Variants in UBAP1L observed in about 807,000 individuals in gnomAD.
UBAP1L encodes ubiquitin associated protein 1 like, also known as ubiquitin-associated protein 1-like.
Under a neutral mutation model 32.1 loss-of-function variants are expected in UBAP1L, and 32 were observed. That is an observed-to-expected ratio of 1.00 (90% CI 0.75 to 1.34). UBAP1L has a LOEUF of 1.34. Among genes scored for constraint, UBAP1L ranks in the 40% most tolerant of loss-of-function variants. The pLI, the probability that UBAP1L is intolerant of heterozygous loss-of-function variation, is 0.00. For synonymous variants in UBAP1L, 243 were observed against 250.2 expected (o/e 0.97, Z 0.27); for missense variants, 516 against 540.5 (o/e 0.95, Z 0.45).
intron 1 of UBAP1L, among the ~76,000 whole-genome samples, chr15:65,108,576 T>C (rs1445150242): frequency 6.6e-6 from 1 of 151,440 alleles, no homozygotes; most frequent in Non-Finnish European, 1.5e-5. Flanking sequence ...AAGACCCCTA[T>C]CTCTACAAAA....
chr15:65,109,327 CA>C (rs1421731431), intron 1 of UBAP1L, among the ~76,000 whole-genome samples: 4 of 150,602 alleles, frequency 2.7e-5, no homozygotes, highest in Non-Finnish European at 5.9e-5. Flanking sequence ...ACTAAAAATA[CA>C]AAAAATTAGC....
intron 2 of UBAP1L, among the ~76,000 whole-genome samples, chr15:65,103,032 G>T (rs1170855400): frequency 1.3e-5 from 2 of 152,186 alleles, no homozygotes; most frequent in Non-Finnish European, 2.9e-5. Flanking sequence ...CTTATTCTTA[G>T]CAAAGAAGCT....
In UBAP1L at chr15:65,106,179, T is replaced by C; in HGVS notation, c.37A>G (p.Lys13Glu). 6.5e-7 allele frequency: 1 copy of C among 1,549,506 alleles called. No homozygotes were observed. The highest frequency in any genetic ancestry group is 8.7e-7 in the Non-Finnish European group (1 of 1,146,460). ...ALDGVPFKLPKGFVIGTEPLP... is the reference protein window; with the variant it reads ...ALDGVPFKLPEGFVIGTEPLP... ...GGCTCTGTGCCTATCACAAAGCCCT[T>C]GGGCAACTTGAAAGGAACACCATCG... Residue 13 changes from lysine to glutamate, a missense_variant, in exon 2 of 6, where the codon AAG becomes GAG. Lys to Glu is a moderately conservative substitution (Grantham distance 56). Transcript: ENST00000559089.
rs114863568 is a variant in UBAP1L at position 65,105,574 on chromosome 15, C to A, written c.120+522G>T. 878 of 579,386 alleles carry A rather than the reference C, an allele frequency of 1.5e-3. 6 individuals carry two copies. Among genetic ancestry groups the A allele is most frequent in the African/African-American group, 0.015 (806 of 54,194 alleles). The allele number at this position is 579,386 out of a possible 1,614,324, so 35.9% of individuals were successfully genotyped here. A position where few individuals can be genotyped will look rare whatever the true frequency, so the allele number is the denominator to read the frequency against. On this transcript the variant is annotated intron_variant, in intron 2 of 5. Transcript: ENST00000559089. ...TTTGACCTGGAGAACCCCATAAAAT[C>A]ATGCAAATCAAGAGGTTCAAATTTT...
At position 65,094,742 on chromosome 15, in the gene UBAP1L, G is replaced by C; in HGVS notation, c.910-166C>G. On this transcript the variant is annotated intron_variant, in intron 4 of 5. Transcript: ENST00000559089. The surrounding 1 kb of genome is among the most constrained non-coding windows in gnomAD (Gnocchi z 4.2). ...CCCGTGAACCCACAGAAGGGGGATA[G>C]AGGCTTTCTCTGAGTGCCTGGCGAT... 1 of 635,880 alleles carries C rather than the reference G, an allele frequency of 1.6e-6. No individual in the cohort carries two copies. Among genetic ancestry groups the C allele is most frequent in the Non-Finnish European group, 2.8e-6 (1 of 353,294 alleles). 39.4% of individuals were successfully genotyped at this position (635,880 alleles called of 1,614,324 possible).
At position 65,102,746 on chromosome 15, in the gene UBAP1L, C is replaced by A; in HGVS notation, c.121-62G>T. ...CAGGACCCCGGGGGCACAACACTAA[C>A]CCCTGGCCTGGGGGACCCTGTTCAG... On this transcript the variant is annotated intron_variant, in intron 2 of 5. Coordinates refer to ENST00000559089, the MANE Select transcript of UBAP1L (RefSeq NM_001163692.2). The surrounding 1 kb of genome is among the most constrained non-coding windows in gnomAD (Gnocchi z 5.0). The A allele has an allele frequency of 1.4e-6, 2 of 1,450,972 alleles. No individual in the cohort carries two copies. The highest frequency in any genetic ancestry group is 2.5e-5 in the South Asian group (2 of 79,326). 89.9% of individuals were successfully genotyped at this position (1,450,972 alleles called of 1,614,324 possible).
At chr15:65,110,088 C>CGGT (rs1313545745) in intron 1 of UBAP1L, among the ~76,000 whole-genome samples, 4 of 151,996 alleles carry the variant, frequency 2.6e-5, no homozygotes, top group African/African-American at 9.7e-5. Context: ...CGGCCGGGCG[C>CGGT]GGTGGCTCAC....
intron 5 of UBAP1L, 145 bp from the exon 6 acceptor site, chr15:65,093,376 A>G: frequency 2.1e-6 from 2 of 952,800 alleles, no homozygotes; most frequent in African/African-American, 3.4e-5. Context: ...CCTGGGCCAC[A>G]CCTGCCACTT....
At chr15:65,113,330 C>T (rs893025471) in intron 1 of UBAP1L, among the ~76,000 whole-genome samples, 13 of 152,224 alleles carry the variant, frequency 8.5e-5, no homozygotes, top group Non-Finnish European at 1.6e-4. Context: ...TTCCTCTCCT[C>T]CCATCTTACT....
Position 65,102,702 on chromosome 15 carries a change from C to CG in UBAP1L, c.121-19dup, listed in dbSNP as rs898088702. 3.4e-5 allele frequency: 53 copies of CG among 1,542,356 alleles called. No homozygotes were observed. The highest frequency in any genetic ancestry group is 5.9e-5 in the Admixed American group (3 of 50,786). On this transcript the variant is annotated intron_variant, in intron 2 of 5. Transcript: ENST00000559089. The surrounding 1 kb of genome is among the most constrained non-coding windows in gnomAD (Gnocchi z 5.0). ...AAGTCGTGCTGCGGAAAGAAGGCGA[C>CG]GTAAAGCCCAGGGCAAACCAGGACC...
At chr15:65,099,049 C>T (rs2087208829) in intron 4 of UBAP1L, 1 of 153,612 alleles carries the variant, frequency 6.5e-6, no homozygotes, top group African/African-American at 2.4e-5. Context: ...GCTCAGAGTG[C>T]TGTCCTTGGA....
intron 1 of UBAP1L, among the ~76,000 whole-genome samples, chr15:65,111,992 A>T (rs904963977): frequency 2.6e-5 from 4 of 152,198 alleles, no homozygotes; most frequent in Non-Finnish European, 4.4e-5. Context: ...TACAGTAAAG[A>T]TATCGATATT....
chr15:65,106,806 A>C (rs1407830000), intron 1 of UBAP1L, among the ~76,000 whole-genome samples: 2 of 151,916 alleles, frequency 1.3e-5, no homozygotes, highest in Non-Finnish European at 2.9e-5. Context: ...ACACCCAGCT[A>C]ATTTTTGTAT....
rs372228813 is a variant in UBAP1L, at chr15:65,093,461, G to T, written c.1012-230C>A. ...GGAAAGAAGGCCCCAGCCTGGCCAT[G>T]GGCTCTGTCCTGACTCTCCTCCCAC... On this transcript the variant is annotated intron_variant, in intron 5 of 5. Transcript: ENST00000559089. 8.2e-4 allele frequency among the ~76,000 whole-genome samples: 125 copies of T among 152,282 alleles called. 1 individual carries two copies. Among genetic ancestry groups the T allele is most frequent in the African/African-American group, 2.9e-3 (119 of 41,572 alleles).
At chr15:65,099,945 A>T (rs1477250446) in intron 3 of UBAP1L, 10 of 437,146 alleles carry the variant, frequency 2.3e-5, no homozygotes, top group Non-Finnish European at 4.1e-5. Flanking sequence ...AGGAGACTTA[A>T]ATAAGACAAT....
rs748472957 is a variant in UBAP1L, at chr15:65,106,127, G to A, written c.89C>T (p.Pro30Leu). The change falls in exon 2 of 6, where the codon CCG becomes CTG. Residue 30 changes from proline to leucine, a missense_variant. Physicochemically the swap from Pro to Leu is moderately conservative, Grantham distance 98. Transcript: ENST00000559089. ...EPLPGPELSV[P>L]ACGEVLLGSM... ...ACCCAGCAGAACTTCCCCGCAGGCC[G>A]GGACGCTGAGTTCTGGCCCAGGGAG... 2.2e-5 allele frequency: 34 copies of A among 1,550,946 alleles called. No individual in the cohort carries two copies. Among genetic ancestry groups the A allele is most frequent in the South Asian group, 2.4e-5 (2 of 83,926 alleles).
Position 65,104,303 on chromosome 15 carries a change from A to G in UBAP1L, c.121-1619T>C, listed in dbSNP as rs556606081. Among the ~76,000 whole-genome samples, 6 of 152,038 alleles carry G rather than the reference A, an allele frequency of 3.9e-5. No homozygotes were observed. The East Asian group carries it at 1.2e-3, about 29-fold the overall frequency. ...AAGAAAAGAAAAGAGAGAGAGAGCG[A>G]GACAGAGAGAGAGAGAGAAAGAGAA... On this transcript the variant is annotated intron_variant, in intron 2 of 5. Coordinates refer to ENST00000559089, the MANE Select transcript of UBAP1L (RefSeq NM_001163692.2).
At position 65,105,024 on chromosome 15, in the gene UBAP1L, A is replaced by G. The variant is rs538193468; in HGVS notation, c.120+1072T>C. ...CTGTCTCAAATGAAAAAAAAAAAAA[A>G]AAAAGAAAATTAGTCATGGTGGCAC... On this transcript the variant is annotated intron_variant, in intron 2 of 5. Transcript: ENST00000559089. 822 of 239,396 alleles carry G rather than the reference A, an allele frequency of 3.4e-3. 12 individuals carry two copies. Among genetic ancestry groups the G allele is most frequent in the Admixed American group, 8.7e-3 (163 of 18,654 alleles). 14.8% of individuals were successfully genotyped at this position (239,396 alleles called of 1,614,324 possible). A position where few individuals can be genotyped will look rare whatever the true frequency, so the allele number is the denominator to read the frequency against.
chr15:65,094,471 T>G lies in UBAP1L; in HGVS notation c.1011+4A>C, dbSNP rs1385903642. The G allele has an allele frequency of 6.5e-7, 1 of 1,548,654 alleles. No homozygotes were observed. Among genetic ancestry groups the G allele is most frequent in the Non-Finnish European group, 8.7e-7 (1 of 1,145,294 alleles). On this transcript the variant is annotated splice_donor_region_variant and intron_variant, in intron 5 of 5. Transcript: ENST00000559089. This position sits in a 1 kb window ranked among gnomAD's most constrained non-coding sequence, Gnocchi z 4.2. ...CTGGGGCCCTGGCAGGAAGCCCTGC[T>G]GACCTGGCTCTCGGAGAACTGGAAC...
Sources: allele counts gnomAD v4.1 joint callset (sites outside exome capture counted in the v4.1 genomes callset), GRCh38; gene constraint gnomAD v4.1.1; non-coding constraint Gnocchi (gnomAD v3.1); transcripts MANE v1.5; gene names NCBI Gene and HGNC (gene_info 2026-07-23, HGNC 2026-07-21).